Variants in DOCK7 observed in about 807,000 individuals in gnomAD.
DOCK7 encodes dedicator of cytokinesis protein 7.
Under a neutral mutation model 271.0 loss-of-function variants are expected in DOCK7, and 138 were observed. The observed-to-expected ratio is 0.51, with a 90% CI of 0.44 to 0.59. The LOEUF (loss-of-function observed/expected upper bound fraction) is 0.59, where lower values mean the gene tolerates loss of function less well. DOCK7 is among the 20% of genes least tolerant of loss of function. The pLI, the probability that DOCK7 is intolerant of heterozygous loss-of-function variation, is 0.00. For missense variants in DOCK7, 2,066 were observed against 2,592.4 expected, an observed-to-expected ratio of 0.80 and a Z score of 4.41; for synonymous variants, 823 against 876.1, an observed-to-expected ratio of 0.94 and a Z score of 1.07.
rs576873849 is a variant in DOCK7 at position 62,586,697 on chromosome 1, C to A, written c.1683-73G>T. ...ACTATGTATCACTCACAAAATACCA[C>A]AAAATAAGTGACCAAATACTGAATT... On this transcript the variant is annotated intron_variant, in intron 14 of 49. Coordinates refer to ENST00000635253, the MANE Select transcript of DOCK7 (RefSeq NM_001367561.1). 3.5e-6 allele frequency: 3 copies of A among 858,054 alleles called. No homozygotes were observed. In the East Asian group the frequency reaches 8.2e-5, roughly 23 times the overall value. The allele number at this position is 858,054 out of a possible 1,614,324, so 53.2% of individuals were successfully genotyped here.
At chr1:62,460,495 C>T (rs1428873130) in intron 48 of DOCK7, among the ~76,000 whole-genome samples, 5 of 151,980 alleles carry the variant, frequency 3.3e-5, no homozygotes, top group Admixed American at 3.3e-4. Context: ...AGGTTATATA[C>T]AAATACTACA....
intron 14 of DOCK7, chr1:62,597,629 A>T (rs752195217): frequency 1.2e-6 from 2 of 1,612,868 alleles, no homozygotes; most frequent in South Asian, 2.2e-5. Flanking sequence ...GAATTGATCA[A>T]GACAATTCAT....
intron 18 of DOCK7, among the ~76,000 whole-genome samples, chr1:62,563,577 A>G (rs1248207757): frequency 6.6e-6 from 1 of 152,178 alleles, no homozygotes; most frequent in Non-Finnish European, 1.5e-5. Context: ...CTATGGTTTT[A>G]TCATTTTTTA....
chr1:62,651,929 T>C (rs910935618), intron 4 of DOCK7, among the ~76,000 whole-genome samples: 1 of 152,140 alleles, frequency 6.6e-6, no homozygotes, highest in African/African-American at 2.4e-5. Flanking sequence ...CCAGCCCATA[T>C]CCAGTGGTTG....
chr1:62,525,940 C>T (rs147377127), intron 31 of DOCK7, among the ~76,000 whole-genome samples: 45 of 152,256 alleles, frequency 3.0e-4, no homozygotes, highest in African/African-American at 1.0e-3. Flanking sequence ...AAAATAGCAA[C>T]CTTTTTTTTC....
intron 31 of DOCK7, among the ~76,000 whole-genome samples, chr1:62,526,679 C>T (rs545230188): frequency 1.9e-4 from 29 of 152,198 alleles, no homozygotes; most frequent in African/African-American, 7.0e-4. Context: ...TACAGCTGTT[C>T]ATCAACTGAC....
At chr1:62,525,173 T>A (rs989551784) in intron 31 of DOCK7, among the ~76,000 whole-genome samples, 1 of 151,102 alleles carries the variant, frequency 6.6e-6, no homozygotes, top group Admixed American at 6.6e-5. Flanking sequence ...GTCTGGCTAA[T>A]TTTTTTGTAT....
At position 62,688,331 on chromosome 1, in the gene DOCK7, G is replaced by A; in HGVS notation, c.-67C>T. The A allele has an allele frequency of 9.3e-7, 1 of 1,076,726 alleles. No individual in the cohort carries two copies. The allele number at this position is 1,076,726 out of a possible 1,614,324, so 66.7% of individuals were successfully genotyped here. A position where few individuals can be genotyped will look rare whatever the true frequency, so the allele number is the denominator to read the frequency against. On this transcript the variant is annotated 5_prime_UTR_variant, in exon 1 of 50. Transcript: ENST00000635253. Reference sequence around the variant, plus strand: ...GCCGGGTGCGGACCGGCGGGCGCGTGCCTCCTCGCTCGTGCTCCCTCCCTC... The same window carrying A: ...GCCGGGTGCGGACCGGCGGGCGCGTACCTCCTCGCTCGTGCTCCCTCCCTC...
intron 2 of DOCK7, among the ~76,000 whole-genome samples, chr1:62,661,754 A>G (rs912657795): frequency 6.6e-6 from 1 of 152,298 alleles, no homozygotes; most frequent in Admixed American, 6.5e-5. Context: ...CGTGGTGATC[A>G]GAGAGTGGGA....
At position 62,561,619 on chromosome 1, in the gene DOCK7, G is replaced by A; in HGVS notation, c.2197C>T (p.Gln733Ter). 6.4e-7 allele frequency: 1 copy of A among 1,553,148 alleles called. No individual in the cohort carries two copies. The highest frequency in any genetic ancestry group is 8.6e-7 in the Non-Finnish European group (1 of 1,157,044). The part of the protein sequence containing the change: ...EVVAVSSIHT[Q>*]DPYLDKFFAL... ...TAATAAAAATTATTAAAACTCACTTGTGTATGGATAGACGAAACAGCAACA... is the reference window on the plus strand; with the variant it reads ...TAATAAAAATTATTAAAACTCACTTATGTATGGATAGACGAAACAGCAACA... Residue 733 changes from glutamine to a stop codon, truncating the protein, a stop_gained and splice_region_variant, in exon 19 of 50, where the codon CAA becomes TAA. Coordinates refer to ENST00000635253, the MANE Select transcript of DOCK7 (RefSeq NM_001367561.1). LOFTEE classifies it high-confidence loss of function.
intron 31 of DOCK7, among the ~76,000 whole-genome samples, chr1:62,514,525 G>T (rs1220919977): frequency 6.6e-6 from 1 of 151,854 alleles, no homozygotes; most frequent in Non-Finnish European, 1.5e-5. Flanking sequence ...CCACTTATTG[G>T]ACATACACTC....
chr1:62,570,365 AAGG>A (rs1442197837), intron 18 of DOCK7, among the ~76,000 whole-genome samples: 13 of 152,366 alleles, frequency 8.5e-5, no homozygotes, highest in African/African-American at 3.1e-4. Context: ...GGACCTCTTC[AAGG>A]AGAACTACAA....
chr1:62,510,936 TA>T, intron 33 of DOCK7: 1 of 359,686 alleles, frequency 2.8e-6, no homozygotes, highest in South Asian at 4.1e-5. Context: ...TTGGTTTGCT[TA>T]AAATCTTAAC....
intron 37 of DOCK7, among the ~76,000 whole-genome samples, chr1:62,501,315 A>T (rs1646777325): frequency 6.6e-6 from 1 of 152,188 alleles, no homozygotes; most frequent in African/African-American, 2.4e-5. Flanking sequence ...TACAACTAAG[A>T]CTACAAACTA....
At chr1:62,530,989 TG>T (rs903688475) in intron 29 of DOCK7, 1 of 152,190 alleles carries the variant, frequency 6.6e-6, no homozygotes, top group African/African-American at 2.4e-5. Context: ...GGAGGGTCGG[TG>T]GGTGGAAAGT....
chr1:62,494,183 C>T, intron 40 of DOCK7, 92 bp downstream of exon 40: 1 of 1,225,860 alleles, frequency 8.2e-7, no homozygotes, highest in Admixed American at 2.9e-5. Flanking sequence ...TTAAGCTTTC[C>T]TTATAAACTA....
At chr1:62,526,606 A>T (rs1645017368) in intron 31 of DOCK7, among the ~76,000 whole-genome samples, 1 of 152,170 alleles carries the variant, frequency 6.6e-6, no homozygotes, top group Non-Finnish European at 1.5e-5. Flanking sequence ...ACATATGTGG[A>T]CACAGACTTG....
At chr1:62,580,672 A>C (rs1647086937) in intron 16 of DOCK7, among the ~76,000 whole-genome samples, 1 of 152,154 alleles carries the variant, frequency 6.6e-6, no homozygotes, top group South Asian at 2.1e-4. Context: ...TTTAAAGATG[A>C]AGATTAAAAA....
At chr1:62,571,119 A>T (rs1210972632) in intron 18 of DOCK7, among the ~76,000 whole-genome samples, 1 of 152,128 alleles carries the variant, frequency 6.6e-6, no homozygotes. Context: ...TGAACAGACA[A>T]CCTACACGAT....
Sources: gnomAD v4.1 joint callset for allele counts (sites outside exome capture counted in the v4.1 genomes callset) on GRCh38, gnomAD v4.1.1 for gene constraint, MANE v1.5 for transcripts, NCBI Gene and HGNC (gene_info 2026-07-23, HGNC 2026-07-21) for gene names.